The following OR1J2 variants were observed in gnomAD, a reference collection of about 807,000 sequenced individuals.
OR1J2 encodes the protein olfactory receptor family 1 subfamily J member 2, also known as olfactory receptor 1J2.
For synonymous variants in OR1J2, 142 were observed against 99.7 expected (o/e 1.42, Z -2.52); for missense variants, 304 against 246.1 (o/e 1.24, Z -1.57).
the OR1J2 span, among the ~76,000 whole-genome samples, chr9:122,523,404 G>A: frequency 6.6e-6 from 1 of 152,118 alleles, no homozygotes; most frequent in Admixed American, 6.5e-5. Flanking sequence ...CTGGGGTGGG[G>A]TGGAATTGGG....
chr9:122,451,902 G>C, the OR1J2 span, among the ~76,000 whole-genome samples: 2 of 151,976 alleles, frequency 1.3e-5, no homozygotes, highest in South Asian at 4.2e-4. Context: ...TCTTTGAGAC[G>C]GAGTCTCGCT....
the OR1J2 span, chr9:122,477,041 C>T: frequency 3.7e-6 from 6 of 1,613,900 alleles, no homozygotes; most frequent in Non-Finnish European, 5.1e-6. Flanking sequence ...CCCTTAATGT[C>T]TTTATTTCTC....
chr9:122,546,666 G>C, the OR1J2 span, among the ~76,000 whole-genome samples: 1 of 152,278 alleles, frequency 6.6e-6, no homozygotes, highest in Non-Finnish European at 1.5e-5. Flanking sequence ...AGGTAAATTA[G>C]AGATTTAAAT....
At chr9:122,459,688 C>A in the OR1J2 span, among the ~76,000 whole-genome samples, 2 of 152,064 alleles carry the variant, frequency 1.3e-5, no homozygotes, top group African/African-American at 4.8e-5. Context: ...AGAGAGATGT[C>A]AGTACTCTTT....
the OR1J2 span, chr9:122,477,170 G>T: frequency 6.2e-7 from 1 of 1,614,166 alleles, no homozygotes; most frequent in South Asian, 1.1e-5. Flanking sequence ...ATAATTGTCC[G>T]ATAATAGATA....
At chr9:122,510,570 G>A (rs1297956049), upstream of OR1J2, among the ~76,000 whole-genome samples, 1 of 151,934 alleles carries the variant, frequency 6.6e-6, no homozygotes, top group East Asian at 1.9e-4. Context: ...CTGTGCCATG[G>A]TGGTTTGCTG....
chr9:122,568,695 G>A, the OR1J2 span: 1 of 450,786 alleles, frequency 2.2e-6, no homozygotes, highest in Non-Finnish European at 3.9e-6. Context: ...GAAATCTGGA[G>A]GGACAGAGGG....
the OR1J2 span, among the ~76,000 whole-genome samples, chr9:122,573,193 T>A: frequency 1.3e-5 from 2 of 152,102 alleles, no homozygotes; most frequent in Non-Finnish European, 2.9e-5. Flanking sequence ...CTCAGGGGAG[T>A]TTGTCCTGTG....
the OR1J2 span, chr9:122,519,827 A>C: frequency 3.1e-6 from 5 of 1,614,106 alleles, no homozygotes; most frequent in Non-Finnish European, 4.2e-6. Context: ...TCAAGGCTCC[A>C]TCTACTAAGG....
the OR1J2 span, among the ~76,000 whole-genome samples, chr9:122,523,272 T>A: frequency 1.3e-5 from 2 of 152,108 alleles, no homozygotes; most frequent in Non-Finnish European, 1.5e-5. Flanking sequence ...CATAGGTGTG[T>A]ATGAGTCAAG....
At chr9:122,565,422 A>G in the OR1J2 span, among the ~76,000 whole-genome samples, 2 of 152,180 alleles carry the variant, frequency 1.3e-5, no homozygotes, top group Non-Finnish European at 2.9e-5. Flanking sequence ...TCATCGCCCA[A>G]TGGGCTCATG....
chr9:122,568,294 A>T, the OR1J2 span: 1 of 1,614,170 alleles, frequency 6.2e-7, no homozygotes, highest in South Asian at 1.1e-5. Flanking sequence ...CTCAAGAAGA[A>T]ATACATAGGG....
chr9:122,492,395 A>G, the OR1J2 span, among the ~76,000 whole-genome samples: 1 of 151,988 alleles, frequency 6.6e-6, no homozygotes, highest in Non-Finnish European at 1.5e-5. Context: ...TATTTAGTCC[A>G]CCATTGATGA....
At chr9:122,564,908 C>G in the OR1J2 span, among the ~76,000 whole-genome samples, 1 of 152,176 alleles carries the variant, frequency 6.6e-6, no homozygotes, top group Non-Finnish European at 1.5e-5. Flanking sequence ...CTTGTCCTTC[C>G]ACAAGATGCC....
chr9:122,503,283 G>T, the OR1J2 span, among the ~76,000 whole-genome samples: 38 of 152,306 alleles, frequency 2.5e-4, no homozygotes, highest in East Asian at 3.7e-3. Context: ...ATTGCACTCA[G>T]GTCTGAAAGG....
At chr9:122,515,254 G>A (rs964352461), downstream of OR1J2, among the ~76,000 whole-genome samples, 6 of 151,812 alleles carry the variant, frequency 4.0e-5, no homozygotes, top group African/African-American at 1.5e-4. Context: ...CTGGTCCCTT[G>A]GTCTCCTAGA....
At chr9:122,567,687 G>A in the OR1J2 span, 1 of 1,614,090 alleles carries the variant, frequency 6.2e-7, no homozygotes, top group Non-Finnish European at 8.5e-7. Flanking sequence ...GTAGGTGGAT[G>A]GGGGCTGTAA....
chr9:122,576,780 C>T, the OR1J2 span: 1 of 152,262 alleles, frequency 6.6e-6, no homozygotes, highest in African/African-American at 2.4e-5. Flanking sequence ...GCACTGATTC[C>T]TGCAGAGGCT....
the OR1J2 span, among the ~76,000 whole-genome samples, chr9:122,495,652 G>A: frequency 6.6e-6 from 1 of 151,946 alleles, no homozygotes; most frequent in African/African-American, 2.4e-5. Context: ...TCCTTGATTA[G>A]CTTAATAATC....
Sources: gnomAD v4.1 joint callset for allele counts (sites outside exome capture counted in the v4.1 genomes callset) on GRCh38, gnomAD v4.1.1 for gene constraint, MANE v1.5 for transcripts, NCBI Gene and HGNC (gene_info 2026-07-23, HGNC 2026-07-21) for gene names.